TENM1: variants seen among roughly 807,000 people sequenced by gnomAD.
The protein encoded by TENM1 is teneurin transmembrane protein 1, also known as teneurin-1.
A neutral mutation model predicts 174.8 loss-of-function variants in TENM1; 35 were observed. The observed-to-expected ratio is 0.20, with a 90% CI of 0.15 to 0.27. The LOEUF (loss-of-function observed/expected upper bound fraction) is 0.27, where lower values mean the gene tolerates loss of function less well. Among genes scored for constraint, TENM1 ranks in the 10% least tolerant of loss-of-function variants. The pLI is 1.00. For synonymous variants in TENM1, 781 were observed against 798.7 expected (o/e 0.98, Z 0.37); for missense variants, 1,633 against 2,130.1 (o/e 0.77, Z 4.59).
intron 6 of TENM1, among the ~76,000 whole-genome samples, chrX:124,666,164 G>T: frequency 9.0e-6 from 1 of 111,625 alleles, no homozygotes; most frequent in Non-Finnish European, 1.9e-5. Context: ...TGTGCAGGAT[G>T]AATTTAAAAG....
At position 124,867,538 on chromosome X, in the gene TENM1, A is replaced by T. The variant is rs148225836; in HGVS notation, c.535+26758T>A. Among the ~76,000 whole-genome samples the T allele has an allele frequency of 8.3e-3, 935 of 112,199 alleles. 10 individuals carry two copies. The highest frequency in any genetic ancestry group is 0.029 in the African/African-American group (897 of 30,891). ...CAGACCTGCAGCTGGCATCATACTA[A>T]ATGCGGAAAAACTCAAAGCCTTTCC... On this transcript the variant is annotated intron_variant, in intron 3 of 31. Transcript: ENST00000422452.
intron 28 of TENM1, among the ~76,000 whole-genome samples, chrX:124,388,633 G>C: frequency 8.9e-6 from 1 of 112,447 alleles, no homozygotes; most frequent in Non-Finnish European, 1.9e-5. Context: ...TCTTTTAATT[G>C]ATTGTGAGGT....
chrX:124,731,607 G>C (rs148630629), intron 4 of TENM1, among the ~76,000 whole-genome samples: 109 of 111,475 alleles, frequency 9.8e-4, no homozygotes, highest in African/African-American at 3.2e-3. Context: ...CCAAGAAACA[G>C]GTTGATTAAA....
chrX:124,766,556 T>C (rs2148615653), intron 3 of TENM1, among the ~76,000 whole-genome samples: 1 of 111,538 alleles, frequency 9.0e-6, no homozygotes, highest in South Asian at 3.7e-4. Context: ...CAAGAGTACT[T>C]TGTGCCACCA....
At chrX:124,901,576 G>T (rs895898799) in intron 1 of TENM1, among the ~76,000 whole-genome samples, 1 of 111,101 alleles carries the variant, frequency 9.0e-6, no homozygotes, top group Admixed American at 9.6e-5. Flanking sequence ...CCAGGTTCAG[G>T]TGATCCTCCT....
chrX:124,696,179 G>T (rs2148480289), intron 5 of TENM1, among the ~76,000 whole-genome samples: 1 of 111,683 alleles, frequency 9.0e-6, no homozygotes, highest in African/African-American at 3.2e-5. Flanking sequence ...GAGTAGCATT[G>T]AATATTTCCA....
chrX:124,390,978 G>A (rs2060276125), intron 28 of TENM1, among the ~76,000 whole-genome samples: 1 of 112,102 alleles, frequency 8.9e-6, no homozygotes, highest in African/African-American at 3.2e-5. Context: ...CTTTTGCCCT[G>A]GCTCCCAAGT....
chrX:125,168,165 C>A, the TENM1 span, among the ~76,000 whole-genome samples: 3 of 111,465 alleles, frequency 2.7e-5, no homozygotes, highest in Admixed American at 9.5e-5. Flanking sequence ...TAATAGGGTT[C>A]TGAAGTCTTC....
At chrX:124,756,836 A>T (rs2054262705) in intron 3 of TENM1, among the ~76,000 whole-genome samples, 1 of 111,522 alleles carries the variant, frequency 9.0e-6, no homozygotes, top group African/African-American at 3.3e-5. Context: ...CTGCTGTCTG[A>T]AGGTTCCTCT....
intron 11 of TENM1, among the ~76,000 whole-genome samples, chrX:124,574,387 C>T (rs888147312): frequency 9.0e-6 from 1 of 110,867 alleles, no homozygotes; most frequent in African/African-American, 3.3e-5. Context: ...ATTTGGCACC[C>T]CAAAAGATTA....
the TENM1 span, among the ~76,000 whole-genome samples, chrX:125,180,468 T>G: frequency 9.7e-6 from 1 of 103,367 alleles, no homozygotes. Flanking sequence ...CTTGAGGAGT[T>G]GAGACCATCG....
At chrX:125,203,297 C>T in the TENM1 span, among the ~76,000 whole-genome samples, 1 of 112,738 alleles carries the variant, frequency 8.9e-6, no homozygotes, top group Non-Finnish European at 1.9e-5. Flanking sequence ...GGCAGAGCCC[C>T]AGGCGAACGC....
At chrX:124,453,282 T>C in intron 23 of TENM1, 55 bp downstream of exon 26, 1 of 1,106,772 alleles carries the variant, frequency 9.0e-7, no homozygotes, top group Non-Finnish European at 1.2e-6. Flanking sequence ...AGAAAATTGT[T>C]ATCCATTTCC....
the TENM1 span, among the ~76,000 whole-genome samples, chrX:125,009,781 C>T: frequency 8.9e-6 from 1 of 111,883 alleles, no homozygotes; most frequent in South Asian, 3.8e-4. Context: ...ATGACAAAAA[C>T]CACATGATTA....
At chrX:125,131,518 G>A in the TENM1 span, among the ~76,000 whole-genome samples, 1 of 111,937 alleles carries the variant, frequency 8.9e-6, no homozygotes, top group Non-Finnish European at 1.9e-5. Flanking sequence ...TTGCACTTCA[G>A]TACTTATGAA....
At chrX:125,051,421 T>C in the TENM1 span, among the ~76,000 whole-genome samples, 1 of 110,238 alleles carries the variant, frequency 9.1e-6, no homozygotes, top group Non-Finnish European at 1.9e-5. Flanking sequence ...GCTGGAGGCA[T>C]CACGCTACCT....
the TENM1 span, among the ~76,000 whole-genome samples, chrX:125,058,591 G>A: frequency 9.0e-6 from 1 of 111,249 alleles, no homozygotes; most frequent in Non-Finnish European, 1.9e-5. Flanking sequence ...AGATTTTGGT[G>A]CATCTGCCTA....
chrX:124,576,610 G>A (rs1173903096), intron 11 of TENM1, among the ~76,000 whole-genome samples: 1 of 112,188 alleles, frequency 8.9e-6, no homozygotes, highest in East Asian at 2.8e-4. Context: ...ACACTATATA[G>A]TGTATATCAT....
chrX:124,621,242 C>T (rs974345353), intron 11 of TENM1, among the ~76,000 whole-genome samples: 1 of 111,671 alleles, frequency 9.0e-6, no homozygotes, highest in African/African-American at 3.3e-5. Context: ...GTGCAGGAGG[C>T]GGGCGGATCA....
Sources: allele counts gnomAD v4.1 joint callset (sites outside exome capture counted in the v4.1 genomes callset), GRCh38; gene constraint gnomAD v4.1.1; transcripts MANE v1.5; gene names NCBI Gene and HGNC (gene_info 2026-07-23, HGNC 2026-07-21).